Variants in MCPH1 observed in about 807,000 individuals in gnomAD.
MCPH1 encodes the protein microcephalin.
A neutral mutation model predicts 84.5 loss-of-function variants in MCPH1; 104 were observed. That is an observed-to-expected ratio of 1.23 (90% CI 1.05 to 1.45). The LOEUF is 1.45. Among genes scored for constraint, MCPH1 ranks in the 40% most tolerant of loss-of-function variants. MCPH1 has a pLI of 0.00. For missense variants in MCPH1, 1,498 were observed against 1,005.7 expected, an observed-to-expected ratio of 1.49 and a Z score of -6.62; for synonymous variants, 514 against 366.8, an observed-to-expected ratio of 1.40 and a Z score of -4.58.
chr8:6,599,013 A>G (rs1829154997), intron 12 of MCPH1, among the ~76,000 whole-genome samples: 1 of 152,214 alleles, frequency 6.6e-6, no homozygotes, highest in Admixed American at 6.5e-5. Context: ...AAAAAGCGTG[A>G]AACCTATTGA....
chr8:6,499,153 G>A (rs1327425312), intron 11 of MCPH1, among the ~76,000 whole-genome samples: 1 of 152,056 alleles, frequency 6.6e-6, no homozygotes, highest in African/African-American at 2.4e-5. Flanking sequence ...CTAAACTTCT[G>A]GTGTATGGAG....
chr8:6,544,252 A>G (rs563649538), intron 12 of MCPH1, among the ~76,000 whole-genome samples: 3 of 152,220 alleles, frequency 2.0e-5, no homozygotes, highest in Non-Finnish European at 4.4e-5. Flanking sequence ...GGAAGACCAT[A>G]GAAAACCCCA....
intron 12 of MCPH1, among the ~76,000 whole-genome samples, chr8:6,584,734 G>C (rs1362979018): frequency 6.6e-6 from 1 of 152,178 alleles, no homozygotes; most frequent in East Asian, 1.9e-4. Context: ...AAATGGGCCT[G>C]TCCTCCTTGC....
At chr8:6,466,633 G>A (rs1806987360) in intron 9 of MCPH1, among the ~76,000 whole-genome samples, 3 of 151,548 alleles carry the variant, frequency 2.0e-5, no homozygotes, top group South Asian at 4.2e-4. Flanking sequence ...GTAGAGACAG[G>A]GTTTCACCGT....
chr8:6,423,126 A>AAAG (rs1800485195), intron 3 of MCPH1, among the ~76,000 whole-genome samples: 5 of 151,058 alleles, frequency 3.3e-5, no homozygotes, highest in Admixed American at 1.3e-4. Flanking sequence ...TGGCAAAAGC[A>AAAG]CACTTTTAAG....
intron 12 of MCPH1, among the ~76,000 whole-genome samples, chr8:6,595,575 G>C (rs1828857962): frequency 6.6e-6 from 1 of 152,248 alleles, no homozygotes; most frequent in Admixed American, 6.5e-5. Flanking sequence ...CTCCAGAAGA[G>C]ATGCGGGAGC....
Position 6,444,629 on chromosome 8 carries a change from C to G in MCPH1, c.907C>G (p.Gln303Glu). 1.2e-6 allele frequency: 2 copies of G among 1,613,878 alleles called. No individual in the cohort carries two copies. The highest frequency in any genetic ancestry group is 1.7e-6 in the Non-Finnish European group (2 of 1,180,008). The change falls in exon 8 of 14, where the codon CAA (glutamine) becomes GAA (glutamate). Residue 303 changes from glutamine (Q) to glutamate (E), a missense_variant. By Grantham distance (29) the Gln-to-Glu change is conservative. Transcript: ENST00000344683. ...TCTTTCAAAGGAAGAAATAAACTTG[C>G]AAAGAAATATTGCAGGTAAAGTAGT... is the stretch of plus-strand genomic sequence containing the variant. ...SNLSKEEINL[Q>E]RNIAGKVVTP...
At chr8:6,608,882 G>A (rs1830007614) in intron 12 of MCPH1, among the ~76,000 whole-genome samples, 1 of 152,142 alleles carries the variant, frequency 6.6e-6, no homozygotes. Context: ...TCCATCCCGT[G>A]TTCTGACTTA....
Position 6,445,383 on chromosome 8 carries a change from A to G in MCPH1, c.1661A>G (p.Glu554Gly). ...PLEGSLEEMK[E>G]AVGLKSTQNK... ...GAAGGAAGCCTTGAAGAAATGAAAG[A>G]AGCGGTTGGTCTGAAAAGCACACAG... The change falls in exon 8 of 14, where the codon GAA becomes GGA. Residue 554 changes from glutamate to glycine, a missense_variant. Glu to Gly is a moderately conservative substitution (Grantham distance 98). Transcript: ENST00000344683. 6.2e-7 allele frequency: 1 copy of G among 1,614,270 alleles called. No homozygotes were observed. The highest frequency in any genetic ancestry group is 8.5e-7 in the Non-Finnish European group (1 of 1,180,050).
chr8:6,496,505 C>T lies in MCPH1; in HGVS notation c.2137-3347C>T, dbSNP rs578262522. Among the ~76,000 whole-genome samples the T allele has an allele frequency of 4.6e-5, 7 of 152,224 alleles. No individual in the cohort carries two copies. The East Asian group carries it at 1.4e-3, about 29-fold the overall frequency. On this transcript the variant is annotated intron_variant, in intron 11 of 13. Coordinates refer to ENST00000344683, the MANE Select transcript of MCPH1 (RefSeq NM_024596.5). ...GTATGCAAAGAATATTGTTGACTTTCGCCACACGGAAGCCCCCCCGCCCCC... is the reference window on the plus strand; with the variant it reads ...GTATGCAAAGAATATTGTTGACTTTTGCCACACGGAAGCCCCCCCGCCCCC...
intron 12 of MCPH1, among the ~76,000 whole-genome samples, chr8:6,573,128 G>A (rs1826799341): frequency 6.6e-6 from 1 of 152,194 alleles, no homozygotes; most frequent in African/African-American, 2.4e-5. Context: ...CGGAGATGCG[G>A]TCTGGAACTA....
At chr8:6,413,286 T>C (rs2129551388) in intron 2 of MCPH1, among the ~76,000 whole-genome samples, 1 of 152,202 alleles carries the variant, frequency 6.6e-6, no homozygotes, top group South Asian at 2.1e-4. Context: ...TTGCATGTGA[T>C]GTGTCTCTAT....
chr8:6,532,914 C>T (rs1284406743), intron 12 of MCPH1, among the ~76,000 whole-genome samples: 3 of 152,210 alleles, frequency 2.0e-5, no homozygotes, highest in Non-Finnish European at 4.4e-5. Context: ...ATTTCTCTCA[C>T]ATTCTAGACT....
At chr8:6,635,608 A>T (rs12681675) in intron 13 of MCPH1, among the ~76,000 whole-genome samples, 5,928 of 152,122 alleles carry the variant, frequency 0.039, 393 homozygotes, top group East Asian at 0.32. Flanking sequence ...AACCCAAAAA[A>T]CTAAGTAAAT....
Position 6,647,544 on chromosome 8 carries a change from A to C in MCPH1, c.*4495A>C, listed in dbSNP as rs987413515. Reference sequence around the variant, plus strand: ...ATCAACTGAAAAGTAGATAAACAAAATGTATATCCACACCATGGAACGCTA... The same window carrying C: ...ATCAACTGAAAAGTAGATAAACAAACTGTATATCCACACCATGGAACGCTA... On this transcript the variant is annotated 3_prime_UTR_variant, in exon 14 of 14. Coordinates refer to ENST00000344683, the MANE Select transcript of MCPH1 (RefSeq NM_024596.5). The C allele has an allele frequency of 6.6e-6, 1 of 152,226 alleles. No individual in the cohort carries two copies. Among genetic ancestry groups the C allele is most frequent in the Non-Finnish European group, 1.5e-5 (1 of 68,042 alleles). The allele number at this position is 152,226 out of a possible 1,614,324, so 9.4% of individuals were successfully genotyped here.
intron 12 of MCPH1, chr8:6,527,422 C>T: frequency 9.3e-7 from 1 of 1,077,344 alleles, no homozygotes; most frequent in Non-Finnish European, 1.3e-6. Flanking sequence ...CCCTTCTCCT[C>T]CCTCATGAGG....
chr8:6,409,471 G>T (rs1343237599), intron 2 of MCPH1, 101 bp downstream of exon 2: 3 of 974,718 alleles, frequency 3.1e-6, no homozygotes, highest in Non-Finnish European at 4.9e-6. Context: ...TTAGAATCTG[G>T]ACGAAGCAAT....
At chr8:6,559,748 T>C (rs1224260549) in intron 12 of MCPH1, among the ~76,000 whole-genome samples, 2 of 152,248 alleles carry the variant, frequency 1.3e-5, no homozygotes, top group Non-Finnish European at 2.9e-5. Flanking sequence ...TTTTATAAAG[T>C]GTGTTTAATA....
rs944941728 is a variant in MCPH1, at chr8:6,434,000, C to A, written c.322-2048C>A. Among the ~76,000 whole-genome samples the A allele has an allele frequency of 4.3e-4, 66 of 152,152 alleles. 1 individual carries two copies. Among genetic ancestry groups the A allele is most frequent in the African/African-American group, 1.6e-3 (66 of 41,438 alleles). ...GAACATTCTTCCCCCAAAATCCTTA[C>A]ACATGACCCGTTTTCCAGCCTCCCT... On this transcript the variant is annotated intron_variant, in intron 4 of 13. Coordinates refer to ENST00000344683, the MANE Select transcript of MCPH1 (RefSeq NM_024596.5).
Sources: allele counts gnomAD v4.1 joint callset (sites outside exome capture counted in the v4.1 genomes callset), GRCh38; gene constraint gnomAD v4.1.1; transcripts MANE v1.5; gene names NCBI Gene and HGNC (gene_info 2026-07-23, HGNC 2026-07-21).